The following DOCK8 variants were observed in gnomAD, a reference collection of about 807,000 sequenced individuals.
DOCK8 encodes dedicator of cytokinesis 8.
In DOCK8, 141 loss-of-function variants were observed where a neutral mutation model predicts 245.6. The ratio of observed to expected loss-of-function variants is 0.57; its 90% confidence interval spans 0.50 to 0.66. The LOEUF (loss-of-function observed/expected upper bound fraction) is 0.66. DOCK8 is among the 30% of genes least tolerant of loss of function. The pLI, the probability that DOCK8 is intolerant of heterozygous loss-of-function variation, is 0.00. For synonymous variants in DOCK8, 1,168 were observed against 970.2 expected (o/e 1.20, Z -3.79); for missense variants, 2,965 against 2,603.4 (o/e 1.14, Z -3.02).
intron 44 of DOCK8, among the ~76,000 whole-genome samples, chr9:449,176 C>T (rs1381067657): frequency 6.6e-6 from 1 of 152,072 alleles, no homozygotes; most frequent in Admixed American, 6.6e-5. Flanking sequence ...CATAGAGAAA[C>T]CGCATCTCTA....
rs111306749 is a variant in DOCK8 at position 420,945 on chromosome 9, C to G, written c.4024-4C>G. 3 of 1,614,170 alleles carry G rather than the reference C, an allele frequency of 1.9e-6. No individual in the cohort carries two copies. The highest frequency in any genetic ancestry group is 2.7e-5 in the African/African-American group (2 of 75,032). On this transcript the variant is annotated splice_region_variant and splice_polypyrimidine_tract_variant and intron_variant, in intron 31 of 47. Transcript: ENST00000432829. ...ACATGTCCTCCTACCTCTGTCTTGT[C>G]CAGGGAAAACAGAGTTCTGACAAAG...
At chr9:317,755 G>T (rs1430015876) in intron 7 of DOCK8, among the ~76,000 whole-genome samples, 1 of 152,106 alleles carries the variant, frequency 6.6e-6, no homozygotes, top group Non-Finnish European at 1.5e-5. Flanking sequence ...AAATAAACAG[G>T]CCCATTTTTG....
intron 14 of DOCK8, among the ~76,000 whole-genome samples, chr9:353,293 A>G (rs1362899817): frequency 6.6e-6 from 1 of 152,194 alleles, no homozygotes; most frequent in Non-Finnish European, 1.5e-5. Context: ...GCATCTGGCC[A>G]ATTTATTTCC....
chr9:381,711 G>C (rs1019346320), intron 21 of DOCK8, among the ~76,000 whole-genome samples: 2 of 152,102 alleles, frequency 1.3e-5, no homozygotes, highest in Non-Finnish European at 1.5e-5. Flanking sequence ...ATCAATCCTA[G>C]CACTTTGGGA....
chr9:256,907 T>C (rs2047789342), intron 1 of DOCK8, among the ~76,000 whole-genome samples: 1 of 152,192 alleles, frequency 6.6e-6, no homozygotes, highest in Non-Finnish European at 1.5e-5. Context: ...ATGTCAGACA[T>C]CTGGGCTTAT....
chr9:449,574 T>C (rs1016224983), intron 44 of DOCK8, among the ~76,000 whole-genome samples: 7 of 152,194 alleles, frequency 4.6e-5, no homozygotes, highest in African/African-American at 1.7e-4. Context: ...GAATAAATGC[T>C]AAATGTATGT....
intron 46 of DOCK8, among the ~76,000 whole-genome samples, chr9:455,251 T>C (rs1462829601): frequency 6.6e-6 from 1 of 152,150 alleles, no homozygotes; most frequent in Non-Finnish European, 1.5e-5. Flanking sequence ...CCCAGCACTT[T>C]GGGAGGCTGA....
chr9:294,599 G>A (rs1563886568), intron 4 of DOCK8, among the ~76,000 whole-genome samples: 1 of 152,104 alleles, frequency 6.6e-6, no homozygotes, highest in Non-Finnish European at 1.5e-5. Context: ...CCATACAACC[G>A]TAAGTCCCAC....
At chr9:295,394 C>G (rs141977986) in intron 4 of DOCK8, among the ~76,000 whole-genome samples, 4 of 152,188 alleles carry the variant, frequency 2.6e-5, no homozygotes, top group African/African-American at 9.6e-5. Flanking sequence ...TAGAAGAAAT[C>G]AATTCCAGTT....
At chr9:220,498 G>C (rs559801572) in intron 1 of DOCK8, among the ~76,000 whole-genome samples, 47 of 152,256 alleles carry the variant, frequency 3.1e-4, no homozygotes, top group South Asian at 4.1e-4. Flanking sequence ...GATGGAATGG[G>C]ATGATGTTAA....
At position 429,709 on chromosome 9, in the gene DOCK8, A is replaced by G; in HGVS notation, c.4481A>G (p.Asp1494Gly). 1 of 1,614,128 alleles carries G rather than the reference A, an allele frequency of 6.2e-7. No homozygotes were observed. The highest frequency in any genetic ancestry group is 8.5e-7 in the Non-Finnish European group (1 of 1,180,024). The change falls in exon 36 of 48, where the codon GAC (aspartate) becomes GGC (glycine). Residue 1494 changes from aspartate to glycine, a missense_variant. Physicochemically the swap from Asp to Gly is moderately conservative, Grantham distance 94. Around this residue, in one of 3 missense-constraint regions of DOCK8, gnomAD observed 2,825 missense variants for 2,453.5 expected, o/e 1.15. Coordinates refer to ENST00000432829, the MANE Select transcript of DOCK8 (RefSeq NM_203447.4). ...TLRALIAKFG[D>G]LLFEEEVEQC... Reference sequence around the variant, plus strand: ...CCTTTATGTCTCTCCTAGTTTGGAGACTTACTCTTTGAAGAGGAGGTGGAA... The same window carrying G: ...CCTTTATGTCTCTCCTAGTTTGGAGGCTTACTCTTTGAAGAGGAGGTGGAA...
chr9:286,897 G>C (rs1485421778), intron 3 of DOCK8, among the ~76,000 whole-genome samples: 1 of 152,190 alleles, frequency 6.6e-6, no homozygotes, highest in African/African-American at 2.4e-5. Context: ...CTCAAGAGGA[G>C]GTTAAAAGTG....
chr9:274,002 G>A (rs1008395453), intron 2 of DOCK8, among the ~76,000 whole-genome samples: 15 of 152,000 alleles, frequency 9.9e-5, no homozygotes, highest in African/African-American at 2.9e-4. Context: ...CACCATGCCC[G>A]GCCACCAGCT....
intron 32 of DOCK8, 41 bp from the exon 33 acceptor site, chr9:422,007 C>CATGCTA (rs1418705806): frequency 6.5e-7 from 1 of 1,529,482 alleles, no homozygotes; most frequent in Non-Finnish European, 9.1e-7. Flanking sequence ...TGGAGGGTTT[C>CATGCTA]ATGCTAATCA....
chr9:458,068 A>G (rs1396161600), intron 46 of DOCK8: 1 of 152,220 alleles, frequency 6.6e-6, no homozygotes, highest in Non-Finnish European at 1.5e-5. Flanking sequence ...TTCAGTTGCT[A>G]GTAACAGAAG....
chr9:302,230 C>A (rs1252089862), intron 4 of DOCK8, among the ~76,000 whole-genome samples: 1 of 152,124 alleles, frequency 6.6e-6, no homozygotes, highest in Non-Finnish European at 1.5e-5. Context: ...ACGAAGTTGA[C>A]AATAACAAGC....
At chr9:346,828 C>T (rs1020625293) in intron 14 of DOCK8, among the ~76,000 whole-genome samples, 8 of 148,648 alleles carry the variant, frequency 5.4e-5, no homozygotes, top group African/African-American at 2.1e-4. Context: ...GAAGGAATGT[C>T]TGCGAGTTAT....
rs147785575 is a variant in DOCK8, at chr9:429,767, C to G, written c.4539C>G (p.His1513Gln). The G allele has an allele frequency of 3.1e-6, 5 of 1,614,082 alleles. No individual in the cohort carries two copies. The South Asian group carries it at 4.4e-5, about 14-fold the overall frequency. Residue 1513 changes from histidine (H) to glutamine (Q), a missense_variant, in exon 36 of 48, where the codon CAC becomes CAG. By Grantham distance (24) the His-to-Gln change is conservative (BLOSUM62 0). This residue lies in a region of DOCK8 where 2,825 missense variants were observed against 2,453.5 expected (regional missense o/e 1.15). Coordinates refer to ENST00000432829, the MANE Select transcript of DOCK8 (RefSeq NM_203447.4). ...TCGACCTATGTCACCAAGTCCTGCA[C>G]CACTGCAGCAGCAGCATGGATGTCA... is the stretch of plus-strand genomic sequence containing the variant. ...QCFDLCHQVL[H>Q]HCSSSMDVTR...
At chr9:334,157 T>C (rs1165689230) in intron 10 of DOCK8, 68 bp from the exon 11 acceptor site, 2 of 1,575,042 alleles carry the variant, frequency 1.3e-6, no homozygotes, top group Non-Finnish European at 1.7e-6. Flanking sequence ...GGCTGTCATA[T>C]TCAGGTCAGA....
Sources: allele counts gnomAD v4.1 joint callset (sites outside exome capture counted in the v4.1 genomes callset), GRCh38; gene constraint gnomAD v4.1.1; regional missense constraint gnomAD v4.1.1; transcripts MANE v1.5; gene names NCBI Gene and HGNC (gene_info 2026-07-23, HGNC 2026-07-21).